CYB561: variants seen among roughly 807,000 people sequenced by gnomAD.
CYB561 encodes cytochrome b561, also known as transmembrane ascorbate-dependent reductase CYB561.
A neutral mutation model predicts 25.3 loss-of-function variants in CYB561; 11 were observed. The observed-to-expected ratio is 0.44, with a 90% CI of 0.27 to 0.72. The LOEUF is 0.72. Among genes scored for constraint, CYB561 ranks in the 30% least tolerant of loss-of-function variants. CYB561 has a pLI of 0.18. For missense variants in CYB561, 295 were observed against 334.9 expected (o/e 0.88, Z 0.93); for synonymous variants, 165 against 158.8 (o/e 1.04, Z -0.29).
At chr17:63,435,298 C>A in intron 4 of CYB561, 55 bp from the exon 5 acceptor site, 2 of 1,583,912 alleles carry the variant, frequency 1.3e-6, no homozygotes, top group Non-Finnish European at 1.7e-6. Context: ...CCCCAGCAGC[C>A]GAGGTCGGCC....
intron 1 of CYB561, among the ~76,000 whole-genome samples, chr17:63,445,380 C>CT (rs558247824): frequency 0.3 from 38,459 of 128,412 alleles, 6,293 homozygotes; most frequent in African/African-American, 0.45. Flanking sequence ...GGTGGCAAAG[C>CT]TTTTTTTTTT....
rs536720266 is a variant in CYB561 at position 63,440,551 on chromosome 17, C to T, written c.-13-2991G>A. On this transcript the variant is annotated intron_variant, in intron 1 of 5. Coordinates refer to ENST00000360793, the MANE Select transcript of CYB561 (RefSeq NM_001915.4). ...TGCATGGCATGATCCTGCCCGTTTC[C>T]ATCTGCAGCCCCCACTGTTCCTGCT... is the stretch of plus-strand genomic sequence containing the variant. Among the ~76,000 whole-genome samples, 3 of 152,302 alleles carry T rather than the reference C, an allele frequency of 2.0e-5. No homozygotes were observed. The South Asian group carries it at 6.2e-4, about 32-fold the overall frequency.
intron 1 of CYB561, chr17:63,440,095 T>C: frequency 2.5e-6 from 1 of 398,648 alleles, no homozygotes; most frequent in South Asian, 1.3e-4. Flanking sequence ...TTGGAACTCC[T>C]GCCTCTGTCC....
intron 5 of CYB561, 57 bp downstream of exon 5, chr17:63,435,029 G>C (rs1599114687): frequency 1.3e-6 from 2 of 1,538,044 alleles, no homozygotes; most frequent in East Asian, 2.3e-5. Context: ...CTGAAGGCAG[G>C]GTGAGGTCTG....
rs1599113217 is a variant in CYB561, at chr17:63,433,702, G to A, written c.*700C>T. The A allele has an allele frequency of 3.3e-6, 1 of 306,352 alleles. No individual in the cohort carries two copies. The highest frequency in any genetic ancestry group is 5.2e-5 in the East Asian group (1 of 19,102). 19.0% of individuals were successfully genotyped at this position (306,352 alleles called of 1,614,324 possible). On this transcript the variant is annotated 3_prime_UTR_variant, in exon 6 of 6. Transcript: ENST00000360793. The stretch of plus-strand genomic sequence containing the variant: ...CCCCATGTCTGGAGCAGCCTGGGAG[G>A]AGGCCCGCCTGCATCTGCCAAGAGA...
At chr17:63,444,224 C>CGG (rs1465776984) in intron 1 of CYB561, among the ~76,000 whole-genome samples, 1 of 152,118 alleles carries the variant, frequency 6.6e-6, no homozygotes, top group Non-Finnish European at 1.5e-5. Context: ...TTATGGAAGA[C>CGG]GGGGCCCGTG....
At chr17:63,444,861 A>C (rs1399600208) in intron 1 of CYB561, among the ~76,000 whole-genome samples, 1 of 152,202 alleles carries the variant, frequency 6.6e-6, no homozygotes, top group African/African-American at 2.4e-5. Flanking sequence ...CCTGCCAAGG[A>C]AAAGTGGTGA....
intron 1 of CYB561, chr17:63,440,710 TC>T (rs1172918981): frequency 1.3e-5 from 2 of 155,806 alleles, no homozygotes; most frequent in Non-Finnish European, 2.8e-5. Context: ...CCCCAGGCTC[TC>T]CCGGAGCCTC....
In CYB561 at chr17:63,433,187, C is replaced by T. The variant is rs2049250818; in HGVS notation, c.*1215G>A. On this transcript the variant is annotated 3_prime_UTR_variant, in exon 6 of 6. Coordinates refer to ENST00000360793, the MANE Select transcript of CYB561 (RefSeq NM_001915.4). ...AGCTGGGACTACAGGCGCCCACCACCACGCCTGGCTAATTTTTTTGTATTT... is the reference window on the plus strand; with the variant it reads ...AGCTGGGACTACAGGCGCCCACCACTACGCCTGGCTAATTTTTTTGTATTT... 7.9e-6 allele frequency: 3 copies of T among 378,832 alleles called. No individual in the cohort carries two copies. In the South Asian group the frequency reaches 4.4e-4, roughly 55 times the overall value. The allele number at this position is 378,832 out of a possible 1,614,324, so 23.5% of individuals were successfully genotyped here.
At chr17:63,441,443 A>G (rs1467495829) in intron 1 of CYB561, among the ~76,000 whole-genome samples, 1 of 152,210 alleles carries the variant, frequency 6.6e-6, no homozygotes, top group Non-Finnish European at 1.5e-5. Flanking sequence ...AGCTCAACTC[A>G]ACCCGCAGCC....
In CYB561 at chr17:63,437,095, G is replaced by A. The variant is rs1156585525; in HGVS notation, c.202+251C>T. 1.1e-5 allele frequency: 6 copies of A among 533,652 alleles called. No individual in the cohort carries two copies. In the East Asian group the frequency reaches 1.2e-4, roughly 11 times the overall value. The allele number at this position is 533,652 out of a possible 1,614,324, so 33.1% of individuals were successfully genotyped here. On this transcript the variant is annotated intron_variant, in intron 2 of 5. Transcript: ENST00000360793. ...TTTCCCTCTGCTGCAAGAAGTGCCC[G>A]CCTTGGATGCTGTGTGTGGAAACGA...
chr17:63,434,511 A>G lies in CYB561; in HGVS notation c.647T>C (p.Leu216Pro). ...CCAGTCGGCCCGGGTCAAGATGTAG[A>G]GCACCGCCCCACCGAAGCAGGCCAG... is the stretch of plus-strand genomic sequence containing the variant. ...LLLACFGGAV[L>P]YILTRADWKR... is the part of the protein sequence containing the mutation. The change falls in exon 6 of 6, where the codon CTC becomes CCC. Residue 216 changes from leucine to proline, a missense_variant. Physicochemically the swap from Leu to Pro is moderately conservative, Grantham distance 98. Coordinates refer to ENST00000360793, the MANE Select transcript of CYB561 (RefSeq NM_001915.4). The G allele has an allele frequency of 6.2e-7, 1 of 1,613,592 alleles. No homozygotes were observed.
At chr17:63,438,465 G>GC (rs2049339746) in intron 1 of CYB561, among the ~76,000 whole-genome samples, 1 of 11,192 alleles carries the variant, frequency 8.9e-5, no homozygotes, top group South Asian at 2.9e-3. Context: ...GCCCCCGCCC[G>GC]CCCCCCACCC....
intron 1 of CYB561, among the ~76,000 whole-genome samples, chr17:63,444,562 C>A (rs1202844008): frequency 6.6e-6 from 1 of 152,084 alleles, no homozygotes. Flanking sequence ...GGTTTGGGGC[C>A]ACAGAGAGCC....
chr17:63,442,432 T>C (rs1333878527), intron 1 of CYB561, among the ~76,000 whole-genome samples: 1 of 152,148 alleles, frequency 6.6e-6, no homozygotes. Flanking sequence ...AAGCAAGGCT[T>C]TGAATCGTGG....
Position 63,432,348 on chromosome 17 carries a change from A to G in CYB561, c.*2054T>C, listed in dbSNP as rs958131729. 1 of 152,216 alleles carries G rather than the reference A, an allele frequency of 6.6e-6. No homozygotes were observed. The allele number at this position is 152,216 out of a possible 1,614,324, so 9.4% of individuals were successfully genotyped here. A position where few individuals can be genotyped will look rare whatever the true frequency, so the allele number is the denominator to read the frequency against. The stretch of plus-strand genomic sequence containing the variant: ...GAATCATCTGTTGCACCAACAGCAC[A>G]TTGTATTTCACAGAAGATTGGCCAC... On this transcript the variant is annotated 3_prime_UTR_variant, in exon 6 of 6. Transcript: ENST00000360793.
chr17:63,436,953 A>T lies in CYB561; in HGVS notation c.202+393T>A. ...GCGCTCTAGCTCTGCCAAGTCCAAG[A>T]CCAACAACACACATGCGCGCGCACG... On this transcript the variant is annotated intron_variant, in intron 2 of 5. Coordinates refer to ENST00000360793, the MANE Select transcript of CYB561 (RefSeq NM_001915.4). This position sits in a 1 kb window ranked among gnomAD's most constrained non-coding sequence, Gnocchi z 4.8. The T allele has an allele frequency of 4.8e-6, 1 of 207,242 alleles. No individual in the cohort carries two copies. Among genetic ancestry groups the T allele is most frequent in the Non-Finnish European group, 9.9e-6 (1 of 100,602 alleles). The allele number at this position is 207,242 out of a possible 1,614,324, so 12.8% of individuals were successfully genotyped here.
Position 63,440,449 on chromosome 17 carries a change from A to G in CYB561, c.-13-2889T>C, listed in dbSNP as rs2049363568. On this transcript the variant is annotated intron_variant, in intron 1 of 5. Transcript: ENST00000360793. ...CTTCTCCCTCTTCAACGTGACAGAC[A>G]TGCCAGGGACAAAGCCAGCTCCCAA... is the stretch of plus-strand genomic sequence containing the variant. Among the ~76,000 whole-genome samples the G allele has an allele frequency of 1.3e-5, 2 of 152,138 alleles. 1 individual carries two copies. Among genetic ancestry groups the G allele is most frequent in the South Asian group, 4.1e-4 (2 of 4,830 alleles).
intron 1 of CYB561, chr17:63,438,081 T>C (rs1268931497): frequency 1.4e-6 from 2 of 1,474,724 alleles, no homozygotes; most frequent in Admixed American, 4.1e-5. Flanking sequence ...CGGGAGTGGC[T>C]GGGGGGAGGG....
Sources: allele counts gnomAD v4.1 joint callset (sites outside exome capture counted in the v4.1 genomes callset), GRCh38; gene constraint gnomAD v4.1.1; non-coding constraint Gnocchi (gnomAD v3.1); transcripts MANE v1.5; gene names NCBI Gene and HGNC (gene_info 2026-07-23, HGNC 2026-07-21).